The following TRMT11 variants were observed in gnomAD, a reference collection of about 807,000 sequenced individuals.
The protein encoded by TRMT11 is tRNA (guanine(10)-N(2))-methyltransferase TRMT11.
Under a neutral mutation model 62.8 loss-of-function variants are expected in TRMT11, and 53 were observed. The observed-to-expected ratio is 0.84, with a 90% CI of 0.68 to 1.06. TRMT11 has a LOEUF of 1.06. Ranked by LOEUF, TRMT11 falls within the 50% of genes least tolerant of loss-of-function variation. The probability of loss-of-function intolerance (pLI) is 0.00; values close to 1 mark genes in which losing one functional copy is unlikely to be tolerated. For missense variants in TRMT11, 556 were observed against 553.4 expected (o/e 1.00, Z -0.05); for synonymous variants, 188 against 190.3 (o/e 0.99, Z 0.10).
chr6:126,131,322 A>G (rs886209739), intron 21 of TRMT11, among the ~76,000 whole-genome samples: 1 of 152,060 alleles, frequency 6.6e-6, no homozygotes, highest in Non-Finnish European at 1.5e-5. Context: ...CTCAGTCCAC[A>G]GAGGAGATAA....
intron 1 of TRMT11, among the ~76,000 whole-genome samples, chr6:125,992,871 T>A (rs569410637): frequency 4.4e-4 from 67 of 152,348 alleles, no homozygotes; most frequent in African/African-American, 1.5e-3. Context: ...CTTCTAACAC[T>A]GAATTTTAAA....
the TRMT11 span, among the ~76,000 whole-genome samples, chr6:126,209,092 G>A: frequency 2.6e-5 from 4 of 152,194 alleles, no homozygotes; most frequent in East Asian, 7.7e-4. Flanking sequence ...GGAAATTATT[G>A]AGGGGAAGTC....
At chr6:126,223,237 C>G in the TRMT11 span, among the ~76,000 whole-genome samples, 1 of 151,912 alleles carries the variant, frequency 6.6e-6, no homozygotes, top group Admixed American at 6.6e-5. Context: ...TTGGCTAACA[C>G]GGTGAAACCT....
chr6:126,167,927 A>C (rs1280822262), intron 21 of TRMT11, among the ~76,000 whole-genome samples: 1 of 152,168 alleles, frequency 6.6e-6, no homozygotes, highest in Non-Finnish European at 1.5e-5. Flanking sequence ...GAATGTAAAC[A>C]TTTTATTCAG....
At chr6:126,047,815 A>G (rs571765146) in intron 16 of TRMT11, among the ~76,000 whole-genome samples, 63 of 152,334 alleles carry the variant, frequency 4.1e-4, no homozygotes, top group African/African-American at 1.4e-3. Context: ...CGAAGGAGTC[A>G]GGCAACTCTC....
intron 17 of TRMT11, among the ~76,000 whole-genome samples, chr6:126,070,040 A>G (rs547802191): frequency 6.6e-6 from 1 of 152,302 alleles, no homozygotes; most frequent in South Asian, 2.1e-4. Flanking sequence ...GACATGAATC[A>G]AAATAAAACC....
chr6:126,087,097 T>C (rs1340848609), intron 17 of TRMT11, among the ~76,000 whole-genome samples: 1 of 152,228 alleles, frequency 6.6e-6, no homozygotes, highest in African/African-American at 2.4e-5. Context: ...CTACTCCCTT[T>C]ATTAGTTCAC....
At chr6:126,178,192 G>A (rs1778411251) in intron 1 of TRMT11, among the ~76,000 whole-genome samples, 1 of 152,126 alleles carries the variant, frequency 6.6e-6, no homozygotes, top group Non-Finnish European at 1.5e-5. Context: ...GGTAGGCACT[G>A]GATGCAACAC....
chr6:126,126,677 A>G (rs1186031115), intron 21 of TRMT11, among the ~76,000 whole-genome samples: 4 of 152,126 alleles, frequency 2.6e-5, no homozygotes, highest in African/African-American at 7.2e-5. Flanking sequence ...AGCCTGGTTC[A>G]TTCTTCTAGT....
chr6:126,256,228 T>C, the TRMT11 span, among the ~76,000 whole-genome samples: 2 of 152,146 alleles, frequency 1.3e-5, no homozygotes, highest in African/African-American at 2.4e-5. Flanking sequence ...TAGGTCAGAG[T>C]CAAAGCTGCA....
chr6:125,995,153 GA>G (rs1339915518), intron 2 of TRMT11, among the ~76,000 whole-genome samples: 2 of 152,008 alleles, frequency 1.3e-5, no homozygotes, highest in Non-Finnish European at 1.5e-5. Flanking sequence ...GAAGAAAAAA[GA>G]AAAAAGCTAG....
chr6:126,118,610 A>G (rs535751480), intron 21 of TRMT11, among the ~76,000 whole-genome samples: 5 of 152,024 alleles, frequency 3.3e-5, no homozygotes, highest in Admixed American at 6.6e-5. Flanking sequence ...TTTTCTTCCT[A>G]TTTCTTGAAT....
In TRMT11 at chr6:126,184,345, G is replaced by C. The variant is rs1583902482; in HGVS notation, n.143+7010G>C. On this transcript the variant is annotated intron_variant and non_coding_transcript_variant, in intron 1 of 3. Coordinates refer to the TRMT11 transcript ENST00000444229. Reference sequence around the variant, plus strand: ...ATTCTCCACTGCTTAATAAATATTGGTCACTGACTGGCTAAATAGAAGCTT... The same window carrying C: ...ATTCTCCACTGCTTAATAAATATTGCTCACTGACTGGCTAAATAGAAGCTT... Among the ~76,000 whole-genome samples the C allele has an allele frequency of 2.0e-5, 3 of 152,188 alleles. No individual in the cohort carries two copies. In the East Asian group the frequency reaches 5.8e-4, roughly 29 times the overall value.
chr6:126,001,842 A>G (rs1583663757), intron 7 of TRMT11, among the ~76,000 whole-genome samples: 1 of 152,062 alleles, frequency 6.6e-6, no homozygotes, highest in Admixed American at 6.6e-5. Context: ...ACTGTAAGCA[A>G]AAGCCCTTTC....
chr6:126,006,598 C>CT (rs11434290), intron 7 of TRMT11, among the ~76,000 whole-genome samples: 59,899 of 146,964 alleles, frequency 0.41, 14,493 homozygotes, highest in East Asian at 0.94. Flanking sequence ...CTTCACTCTC[C>CT]TTTTTTTTTT....
At chr6:126,184,351 G>A (rs1013274832) in intron 1 of TRMT11, among the ~76,000 whole-genome samples, 2 of 152,148 alleles carry the variant, frequency 1.3e-5, no homozygotes, top group African/African-American at 4.8e-5. Context: ...ATTGGTCACT[G>A]ACTGGCTAAA....
chr6:126,151,579 G>A (rs533040766), intron 21 of TRMT11, among the ~76,000 whole-genome samples: 3 of 152,314 alleles, frequency 2.0e-5, no homozygotes, highest in East Asian at 3.9e-4. Context: ...TCAGACCTGA[G>A]CACCGTGGGA....
intron 21 of TRMT11, among the ~76,000 whole-genome samples, chr6:126,151,809 T>TCTTTCTTTCTTTAGTTTC (rs1562334674): frequency 2.8e-4 from 23 of 81,520 alleles, no homozygotes; most frequent in African/African-American, 4.9e-4. Flanking sequence ...CTCTGTCTTT[T>TCTTTCTTTCTTTAGTTTC]CTTTCTTTCT....
the TRMT11 span, among the ~76,000 whole-genome samples, chr6:126,219,156 A>G: frequency 6.6e-6 from 1 of 152,104 alleles, no homozygotes; most frequent in Non-Finnish European, 1.5e-5. Flanking sequence ...TGAAGTTAAA[A>G]CTAGGTCCTG....
Sources: allele counts gnomAD v4.1 joint callset (sites outside exome capture counted in the v4.1 genomes callset), GRCh38; gene constraint gnomAD v4.1.1; transcripts MANE v1.5; gene names NCBI Gene and HGNC (gene_info 2026-07-23, HGNC 2026-07-21).